CCDC39: variants seen among roughly 807,000 people sequenced by gnomAD.
CCDC39 encodes coiled-coil domain-containing protein 39.
In CCDC39, 113 loss-of-function variants were observed where a neutral mutation model predicts 121.0. That is an observed-to-expected ratio of 0.93 (90% confidence interval 0.80 to 1.09). The LOEUF (loss-of-function observed/expected upper bound fraction) is 1.09. Among genes scored for constraint, CCDC39 ranks in the 50% least tolerant of loss-of-function variants. CCDC39 has a pLI of 0.00. For missense variants in CCDC39, 1,063 were observed against 1,074.7 expected (o/e 0.99, Z 0.15); for synonymous variants, 349 against 352.2 (o/e 0.99, Z 0.10).
At chr3:180,626,715 G>A (rs1431249291) in intron 14 of CCDC39, among the ~76,000 whole-genome samples, 1 of 152,158 alleles carries the variant, frequency 6.6e-6, no homozygotes, top group Non-Finnish European at 1.5e-5. Flanking sequence ...CCTCTCAGGT[G>A]AGGTGCTCAG....
At chr3:180,659,855 C>A in intron 4 of CCDC39, 86 bp from the exon 5 acceptor site, 1 of 751,672 alleles carries the variant, frequency 1.3e-6, no homozygotes, top group South Asian at 2.3e-5. Context: ...AATAGTATTA[C>A]ACTATACATT....
chr3:180,635,393 A>T (rs990972521), intron 13 of CCDC39, among the ~76,000 whole-genome samples: 4 of 102,210 alleles, frequency 3.9e-5, no homozygotes, highest in Non-Finnish European at 9.4e-5. Flanking sequence ...AGCTCACTCC[A>T]GCATTAACTC....
intron 14 of CCDC39, among the ~76,000 whole-genome samples, chr3:180,628,259 A>G (rs1318669781): frequency 6.6e-6 from 1 of 152,056 alleles, no homozygotes; most frequent in African/African-American, 2.4e-5. Flanking sequence ...CGCCCAGGCT[A>G]GAGTGCAGTG....
rs1234465832 is a variant in CCDC39 at position 180,652,252 on chromosome 3, T to A, written c.945A>T (p.Lys315Asn). The A allele has an allele frequency of 6.6e-7, 1 of 1,519,074 alleles. No individual in the cohort carries two copies. Among genetic ancestry groups the A allele is most frequent in the East Asian group, 2.5e-5 (1 of 40,102 alleles). 94.1% of individuals were successfully genotyped at this position (1,519,074 alleles called of 1,614,324 possible). Reference protein sequence around the residue: ...IQLKGELDSLKATVNRTSSDL... With the variant: ...IQLKGELDSLNATVNRTSSDL... ...CACTGGAAGTTCTATTCACAGTGGCTTTTAAAGAATCCAGCTATTTATTAG... is the reference window on the plus strand; with the variant it reads ...CACTGGAAGTTCTATTCACAGTGGCATTTAAAGAATCCAGCTATTTATTAG... Residue 315 changes from lysine (K) to asparagine (N), a missense_variant, in exon 8 of 20, where the codon AAA (lysine) becomes AAT (asparagine). Lys to Asn is a moderately conservative substitution (Grantham distance 94). Transcript: ENST00000476379.
intron 10 of CCDC39, 141 bp downstream of exon 10, chr3:180,648,024 T>C (rs892326701): frequency 3.1e-6 from 2 of 649,560 alleles, no homozygotes; most frequent in African/African-American, 3.7e-5. Flanking sequence ...ACTACTGATC[T>C]AACATGATGT....
chr3:180,621,262 A>G (rs1304345057), intron 14 of CCDC39, among the ~76,000 whole-genome samples: 2 of 152,064 alleles, frequency 1.3e-5, no homozygotes, highest in Non-Finnish European at 2.9e-5. Context: ...AATGATTTCT[A>G]TTCTTTTGTG....
At chr3:180,659,333 C>T in intron 6 of CCDC39, 119 bp downstream of exon 6, 1 of 1,265,636 alleles carries the variant, frequency 7.9e-7, no homozygotes, top group Non-Finnish European at 1.1e-6. Context: ...ACCAAAACTA[C>T]TGAATATTGC....
intron 1 of CCDC39, among the ~76,000 whole-genome samples, chr3:180,673,447 G>C (rs1294958739): frequency 6.6e-6 from 1 of 152,130 alleles, no homozygotes; most frequent in Non-Finnish European, 1.5e-5. Context: ...CCAGCAAAAT[G>C]GTTACAACTC....
intron 1 of CCDC39, among the ~76,000 whole-genome samples, chr3:180,677,152 AAT>A (rs1712237760): frequency 4.3e-5 from 5 of 115,032 alleles, no homozygotes; most frequent in African/African-American, 1.7e-4. Context: ...TTATAATAAT[AAT>A]AATAATAATA....
chr3:180,622,063 G>A (rs1470383085), intron 14 of CCDC39, among the ~76,000 whole-genome samples: 1 of 151,924 alleles, frequency 6.6e-6, no homozygotes, highest in Non-Finnish European at 1.5e-5. Context: ...AGCATGTAAT[G>A]TTTTTACCTT....
intron 14 of CCDC39, among the ~76,000 whole-genome samples, chr3:180,621,822 G>C (rs879570544): frequency 6.6e-6 from 1 of 152,016 alleles, no homozygotes; most frequent in Non-Finnish European, 1.5e-5. Context: ...TGATGTTTTG[G>C]TTACTATAGC....
chr3:180,639,085 A>G (rs538582206), intron 13 of CCDC39, among the ~76,000 whole-genome samples: 1 of 152,270 alleles, frequency 6.6e-6, no homozygotes, highest in Non-Finnish European at 1.5e-5. Context: ...AATCAACTGG[A>G]GTAAACACAT....
chr3:180,654,219 C>T (rs1052124131), intron 7 of CCDC39, among the ~76,000 whole-genome samples: 10 of 74,442 alleles, frequency 1.3e-4, no homozygotes, highest in East Asian at 6.4e-4. Flanking sequence ...GATAGCCACA[C>T]GCAAAAAAAA....
chr3:180,637,645 A>G lies in CCDC39; in HGVS notation c.1874+4348T>C, dbSNP rs138913573. Among the ~76,000 whole-genome samples, 168 of 152,332 alleles carry G rather than the reference A, an allele frequency of 1.1e-3. 1 individual carries two copies. The highest frequency in any genetic ancestry group is 3.9e-3 in the African/African-American group (161 of 41,576). On this transcript the variant is annotated intron_variant, in intron 13 of 19. Transcript: ENST00000476379. ...CATGTGCACAAATGTTCATTGTAGC[A>G]CTATTCACAGTAGCAAAGACATGGA... is the stretch of plus-strand genomic sequence containing the variant.
intron 16 of CCDC39, chr3:180,617,286 A>G: frequency 6.5e-6 from 3 of 458,406 alleles, no homozygotes; most frequent in Non-Finnish European, 1.1e-5. Flanking sequence ...TCTAGCACAT[A>G]CAATTATGTA....
At chr3:180,677,287 T>C (rs1712263826) in intron 1 of CCDC39, among the ~76,000 whole-genome samples, 2 of 132,620 alleles carry the variant, frequency 1.5e-5, no homozygotes, top group South Asian at 4.9e-4. Context: ...AAAAGACAAA[T>C]CAAAATGAAA....
intron 19 of CCDC39, 75 bp from the exon 20 acceptor site, chr3:180,615,152 A>G (rs1393553292): frequency 1.8e-6 from 2 of 1,102,222 alleles, no homozygotes; most frequent in Non-Finnish European, 2.5e-6. Context: ...TATTGGCAAA[A>G]GGTACCATAA....
intron 13 of CCDC39, among the ~76,000 whole-genome samples, chr3:180,634,782 C>G (rs1717786931): frequency 6.6e-6 from 1 of 152,168 alleles, no homozygotes; most frequent in Admixed American, 6.5e-5. Flanking sequence ...TACTGGATCA[C>G]ACCCCAAAGC....
intron 13 of CCDC39, among the ~76,000 whole-genome samples, chr3:180,633,577 A>G (rs1229210265): frequency 6.6e-6 from 1 of 152,026 alleles, no homozygotes; most frequent in Non-Finnish European, 1.5e-5. Context: ...AGGAGAGGGG[A>G]ATAGGGAGAG....
Sources: gnomAD v4.1 joint callset for allele counts (sites outside exome capture counted in the v4.1 genomes callset) on GRCh38, gnomAD v4.1.1 for gene constraint, MANE v1.5 for transcripts, NCBI Gene and HGNC (gene_info 2026-07-23, HGNC 2026-07-21) for gene names.